PLPPR5: variants seen among roughly 807,000 people sequenced by gnomAD.
PLPPR5 encodes phospholipid phosphatase related 5.
PLPPR5 carries 16 observed loss-of-function variants against 33.9 expected under a neutral mutation model. That is an observed-to-expected ratio of 0.47 (90% confidence interval 0.32 to 0.72). The LOEUF is 0.72. Among genes scored for constraint, PLPPR5 ranks in the 30% least tolerant of loss-of-function variants. PLPPR5 has a pLI of 0.03. For synonymous variants in PLPPR5, 163 were observed against 150.3 expected, an observed-to-expected ratio of 1.08 and a Z score of -0.62; for missense variants, 301 against 406.7, an observed-to-expected ratio of 0.74 and a Z score of 2.23.
intron 1 of PLPPR5, among the ~76,000 whole-genome samples, chr1:98,989,366 T>A (rs1234168370): frequency 2.0e-5 from 3 of 152,158 alleles, no homozygotes; most frequent in Non-Finnish European, 2.9e-5. Context: ...TTTCAACTAT[T>A]CATGGAATGT....
chr1:98,934,099 G>A (rs1330066833), intron 3 of PLPPR5, among the ~76,000 whole-genome samples: 6 of 152,186 alleles, frequency 3.9e-5, no homozygotes, highest in Non-Finnish European at 8.8e-5. Context: ...GGAACCAGAA[G>A]GCAGAGAAGT....
chr1:98,935,562 C>A (rs1650143972), intron 3 of PLPPR5, among the ~76,000 whole-genome samples: 4 of 152,060 alleles, frequency 2.6e-5, no homozygotes, highest in African/African-American at 9.6e-5. Context: ...ATAAGAAAAA[C>A]CAATTATAAG....
chr1:98,916,881 A>G (rs1649374939), intron 4 of PLPPR5, among the ~76,000 whole-genome samples: 1 of 152,202 alleles, frequency 6.6e-6, no homozygotes, highest in Non-Finnish European at 1.5e-5. Flanking sequence ...AAAAATGGTG[A>G]TAAGAAAAAG....
At chr1:98,955,575 A>G (rs1458226467) in intron 2 of PLPPR5, among the ~76,000 whole-genome samples, 29 of 152,098 alleles carry the variant, frequency 1.9e-4, no homozygotes. Flanking sequence ...GATGTCAGTA[A>G]AAATAACAAT....
At chr1:98,916,970 A>C (rs1649379368) in intron 4 of PLPPR5, among the ~76,000 whole-genome samples, 2 of 152,164 alleles carry the variant, frequency 1.3e-5, no homozygotes, top group African/African-American at 4.8e-5. Flanking sequence ...AGTTTTATCA[A>C]TTAGAAAACG....
chr1:98,891,802 T>C lies in PLPPR5; in HGVS notation c.*1270A>G, dbSNP rs138877148. On this transcript the variant is annotated 3_prime_UTR_variant, in exon 6 of 6. Coordinates refer to ENST00000263177, the MANE Select transcript of PLPPR5 (RefSeq NM_001037317.2). ...TGGCATTTCTTTATTTTTTGAACCA[T>C]AGGTAGTTGCCCAGGATTCTACTGA... 7.9e-5 allele frequency: 12 copies of C among 152,242 alleles called. No homozygotes were observed. Among genetic ancestry groups the C allele is most frequent in the South Asian group, 2.1e-4 (1 of 4,830 alleles). 9.4% of individuals were successfully genotyped at this position (152,242 alleles called of 1,614,324 possible). A position where few individuals can be genotyped will look rare whatever the true frequency, so the allele number is the denominator to read the frequency against.
At chr1:98,973,996 G>A (rs1274085998) in intron 1 of PLPPR5, among the ~76,000 whole-genome samples, 2 of 151,964 alleles carry the variant, frequency 1.3e-5, no homozygotes, top group Non-Finnish European at 2.9e-5. Flanking sequence ...AGCGTCTGGT[G>A]TAGTAAATCC....
At chr1:98,905,059 T>G (rs780846777) in intron 5 of PLPPR5, among the ~76,000 whole-genome samples, 2 of 152,188 alleles carry the variant, frequency 1.3e-5, no homozygotes, top group African/African-American at 4.8e-5. Flanking sequence ...ATTCTTACGA[T>G]AGCCTTTCCG....
intron 4 of PLPPR5, among the ~76,000 whole-genome samples, chr1:98,918,455 T>C (rs1201738878): frequency 6.6e-6 from 1 of 152,188 alleles, no homozygotes; most frequent in Non-Finnish European, 1.5e-5. Context: ...ATAAATATCA[T>C]AATCAATCTA....
intron 5 of PLPPR5, among the ~76,000 whole-genome samples, chr1:98,913,159 T>C (rs1435587733): frequency 6.6e-6 from 1 of 152,204 alleles, no homozygotes; most frequent in Non-Finnish European, 1.5e-5. Flanking sequence ...GCCCTTCAGA[T>C]TCTTATGGGA....
intron 1 of PLPPR5, among the ~76,000 whole-genome samples, chr1:98,964,990 TTTG>T (rs1651381594): frequency 6.6e-6 from 1 of 150,526 alleles, no homozygotes. Flanking sequence ...TTTTTTTTTT[TTTG>T]GTAGAGATGG....
At chr1:98,963,138 C>T (rs1651307460) in intron 1 of PLPPR5, among the ~76,000 whole-genome samples, 1 of 152,192 alleles carries the variant, frequency 6.6e-6, no homozygotes, top group Admixed American at 6.5e-5. Context: ...CCAGTATTTC[C>T]ATACATCCAG....
intron 3 of PLPPR5, among the ~76,000 whole-genome samples, chr1:98,946,658 G>C (rs996995105): frequency 6.6e-5 from 10 of 152,010 alleles, no homozygotes; most frequent in Admixed American, 5.9e-4. Flanking sequence ...TTGCCAGCAG[G>C]ACCTCATCCC....
In PLPPR5 at chr1:98,921,979, G is replaced by A; in HGVS notation, c.701C>T (p.Ala234Val). Residue 234 changes from alanine to valine, a missense_variant, in exon 4 of 6, where the codon GCA (alanine) becomes GTA (valine). By Grantham distance (64) the Ala-to-Val change is moderately conservative. Coordinates refer to ENST00000263177, the MANE Select transcript of PLPPR5 (RefSeq NM_001037317.2). ...TACTCTGTTGAGTCCAGTAAGAAAT[G>A]CCAAACACATTAAGCCCAAGCATAG... ...PVLCLGLMCL[A>V]FLTGLNRVAE... 1 of 1,613,642 alleles carries A rather than the reference G, an allele frequency of 6.2e-7. No individual in the cohort carries two copies. The highest frequency in any genetic ancestry group is 8.5e-7 in the Non-Finnish European group (1 of 1,179,954).
intron 3 of PLPPR5, among the ~76,000 whole-genome samples, chr1:98,951,683 G>GTC (rs1435149723): frequency 3.3e-5 from 5 of 152,090 alleles, no homozygotes; most frequent in Non-Finnish European, 7.4e-5. Flanking sequence ...TTCCTAAATT[G>GTC]TCCTTTTATT....
At chr1:98,996,929 C>T (rs1489134944) in intron 1 of PLPPR5, among the ~76,000 whole-genome samples, 1 of 152,110 alleles carries the variant, frequency 6.6e-6, no homozygotes, top group Non-Finnish European at 1.5e-5. Context: ...TGGGCAACTG[C>T]AGCCAACAGA....
At chr1:98,929,399 T>C (rs1649886065) in intron 3 of PLPPR5, among the ~76,000 whole-genome samples, 2 of 152,230 alleles carry the variant, frequency 1.3e-5, no homozygotes. Context: ...CCTTATTGTA[T>C]TTGAAAATCA....
chr1:98,896,019 A>T (rs1570676309), intron 5 of PLPPR5, among the ~76,000 whole-genome samples: 1 of 151,888 alleles, frequency 6.6e-6, no homozygotes, highest in Admixed American at 6.6e-5. Flanking sequence ...TTATCTCAGT[A>T]GTTTTTTTTT....
chr1:98,959,035 G>C (rs551165048), intron 1 of PLPPR5, among the ~76,000 whole-genome samples: 40 of 152,218 alleles, frequency 2.6e-4, no homozygotes, highest in African/African-American at 9.1e-4. Context: ...ATGCATAAAG[G>C]AATCACATTT....
Sources: gnomAD v4.1 joint callset for allele counts (sites outside exome capture counted in the v4.1 genomes callset) on GRCh38, gnomAD v4.1.1 for gene constraint, MANE v1.5 for transcripts, NCBI Gene and HGNC (gene_info 2026-07-23, HGNC 2026-07-21) for gene names.